MRAP: variants seen among roughly 807,000 people sequenced by gnomAD.
MRAP encodes the protein melanocortin 2 receptor accessory protein.
In MRAP, 8 loss-of-function variants were observed where a neutral mutation model predicts 8.7. The ratio of observed to expected loss-of-function variants is 0.92; its 90% CI spans 0.54 to 1.66. MRAP has a LOEUF of 1.66. Among genes scored for constraint, MRAP ranks in the 40% most tolerant of loss-of-function variants. MRAP has a pLI of 0.00. For missense variants in MRAP, 237 were observed against 217.1 expected (o/e 1.09, Z -0.58); for synonymous variants, 95 against 95.5 (o/e 1.00, Z 0.03).
chr21:32,305,393 T>C (rs1162052773), intron 1 of MRAP, among the ~76,000 whole-genome samples: 1 of 152,202 alleles, frequency 6.6e-6, no homozygotes, highest in Non-Finnish European at 1.5e-5. Context: ...TTTACTCAAA[T>C]ACCAATCTTC....
At chr21:32,307,415 A>G (rs899630105) in intron 2 of MRAP, among the ~76,000 whole-genome samples, 2 of 151,992 alleles carry the variant, frequency 1.3e-5, no homozygotes, top group African/African-American at 4.8e-5. Flanking sequence ...TGTCTCTACT[A>G]AAAATACAAA....
Position 32,311,666 on chromosome 21 carries a change from A to G in MRAP, c.207-18A>G. The G allele has an allele frequency of 1.2e-6, 2 of 1,612,848 alleles. No individual in the cohort carries two copies. The highest frequency in any genetic ancestry group is 1.7e-6 in the Non-Finnish European group (2 of 1,179,558). On this transcript the variant is annotated intron_variant, in intron 2 of 2. Coordinates refer to ENST00000303645, the MANE Select transcript of MRAP (RefSeq NM_001379228.1). ...GCAGCAACTATGATGCCTGCCTCCC[A>G]CTCTGCTCTGTTCACAGGAACAGCC...
At chr21:32,302,549 G>C (rs757582369) in intron 1 of MRAP, among the ~76,000 whole-genome samples, 2 of 152,230 alleles carry the variant, frequency 1.3e-5, no homozygotes, top group African/African-American at 2.4e-5. Flanking sequence ...TAAAACAGAA[G>C]TTAGTTTATC....
At chr21:32,299,826 C>G (rs1244405501) in intron 1 of MRAP, among the ~76,000 whole-genome samples, 1 of 152,188 alleles carries the variant, frequency 6.6e-6, no homozygotes, top group African/African-American at 2.4e-5. Flanking sequence ...TTCATAGTCT[C>G]AGCAAGGACA....
chr21:32,303,599 A>C lies in MRAP; in HGVS notation c.107-3041A>C, dbSNP rs143640003. Among the ~76,000 whole-genome samples the C allele has an allele frequency of 7.9e-5, 12 of 152,336 alleles. No homozygotes were observed. The East Asian group carries it at 2.3e-3, about 29-fold the overall frequency. ...AGAGAGGGAAGGAAAGGAGGAAAGAACAGGCAGGGAGGAGAAGGGAGGATA... is the reference window on the plus strand; with the variant it reads ...AGAGAGGGAAGGAAAGGAGGAAAGACCAGGCAGGGAGGAGAAGGGAGGATA... On this transcript the variant is annotated intron_variant, in intron 1 of 2. Coordinates refer to ENST00000303645, the MANE Select transcript of MRAP (RefSeq NM_001379228.1).
At chr21:32,298,826 A>T (rs2032190663), upstream of MRAP, 1 of 678,622 alleles carries the variant, frequency 1.5e-6, no homozygotes, top group Non-Finnish European at 2.7e-6. Flanking sequence ...TAGCTCTGAT[A>T]AGTGGGCAGA....
At chr21:32,300,547 C>G (rs1318127078) in intron 1 of MRAP, among the ~76,000 whole-genome samples, 1 of 146,882 alleles carries the variant, frequency 6.8e-6, no homozygotes, top group East Asian at 2.1e-4. Flanking sequence ...AGATGCGTCA[C>G]GTGTCCTATG....
downstream of MRAP, chr21:32,314,076 T>C (rs1407579114): frequency 2.6e-5 from 4 of 156,792 alleles, no homozygotes; most frequent in African/African-American, 9.6e-5. Context: ...CTTTAAGGAT[T>C]CAGTGTAACA....
intron 1 of MRAP, among the ~76,000 whole-genome samples, chr21:32,303,203 C>T (rs562640237): frequency 2.0e-5 from 3 of 152,108 alleles, no homozygotes; most frequent in South Asian, 4.2e-4. Flanking sequence ...AGGCTGGTCT[C>T]GAACTCCTGA....
intron 1 of MRAP, among the ~76,000 whole-genome samples, chr21:32,306,170 C>G (rs2032410736): frequency 6.6e-6 from 1 of 152,148 alleles, no homozygotes; most frequent in Non-Finnish European, 1.5e-5. Context: ...CGCACATCCT[C>G]CGCAGGGTAT....
intron 1 of MRAP, among the ~76,000 whole-genome samples, chr21:32,300,503 C>A (rs1431709547): frequency 1.3e-5 from 2 of 149,232 alleles, no homozygotes; most frequent in African/African-American, 5.0e-5. Context: ...TCGGATGTGT[C>A]ACGCATCCTA....
At chr21:32,298,639 T>C (rs1361553561), upstream of MRAP, among the ~76,000 whole-genome samples, 1 of 152,208 alleles carries the variant, frequency 6.6e-6, no homozygotes, top group African/African-American at 2.4e-5. Context: ...TGGGCGACTA[T>C]TTCCCGCCCA....
rs747528868 is a variant in MRAP at position 32,306,636 on chromosome 21, G to A, written c.107-4G>A. 34 of 1,613,436 alleles carry A rather than the reference G, an allele frequency of 2.1e-5. No individual in the cohort carries two copies. The highest frequency in any genetic ancestry group is 1.7e-4 in the Middle Eastern group (1 of 6,060). On this transcript the variant is annotated splice_region_variant and splice_polypyrimidine_tract_variant and intron_variant, in intron 1 of 2. Coordinates refer to ENST00000303645, the MANE Select transcript of MRAP (RefSeq NM_001379228.1). Reference sequence around the variant, plus strand: ...GCGCTGAGATGCATCTCCTCCTCCCGCAGATTCCATCGTGATCGCATTCTG... The same window carrying A: ...GCGCTGAGATGCATCTCCTCCTCCCACAGATTCCATCGTGATCGCATTCTG...
chr21:32,301,215 C>G (rs1050765772), intron 1 of MRAP, among the ~76,000 whole-genome samples: 1 of 152,076 alleles, frequency 6.6e-6, no homozygotes, highest in South Asian at 2.1e-4. Context: ...ACCTGCCTCA[C>G]CTTCCCAAAG....
At chr21:32,294,184 G>A (rs1174540672), upstream of MRAP, among the ~76,000 whole-genome samples, 3 of 152,022 alleles carry the variant, frequency 2.0e-5, no homozygotes, top group East Asian at 1.9e-4. Context: ...GTGCAATCTC[G>A]GCTCACTGCA....
At chr21:32,303,950 G>A (rs750669301) in intron 1 of MRAP, among the ~76,000 whole-genome samples, 14 of 152,198 alleles carry the variant, frequency 9.2e-5, no homozygotes, top group Non-Finnish European at 1.0e-4. Flanking sequence ...AAGACACTGC[G>A]TTCTGTGAAA....
At chr21:32,307,051 TGGA>T (rs1388825622) in intron 2 of MRAP, among the ~76,000 whole-genome samples, 1 of 152,190 alleles carries the variant, frequency 6.6e-6, no homozygotes, top group Admixed American at 6.5e-5. Flanking sequence ...TAAAAAGGGA[TGGA>T]GTTCTGATCC....
chr21:32,298,430 C>T (rs531635094), upstream of MRAP, among the ~76,000 whole-genome samples: 5 of 152,282 alleles, frequency 3.3e-5, no homozygotes, highest in Non-Finnish European at 7.4e-5. Context: ...TACAAGTTCA[C>T]GGCTGGCATC....
chr21:32,303,556 G>A (rs1456491762), intron 1 of MRAP, among the ~76,000 whole-genome samples: 1 of 152,176 alleles, frequency 6.6e-6, no homozygotes, highest in Non-Finnish European at 1.5e-5. Flanking sequence ...AGGAGAGAAA[G>A]GAAGGAGGGA....
Sources: gnomAD v4.1 joint callset for allele counts (sites outside exome capture counted in the v4.1 genomes callset) on GRCh38, gnomAD v4.1.1 for gene constraint, MANE v1.5 for transcripts, NCBI Gene and HGNC (gene_info 2026-07-23, HGNC 2026-07-21) for gene names.